Variants in KPRP observed in about 807,000 individuals in gnomAD.
KPRP encodes the protein keratinocyte proline-rich protein.
For missense variants in KPRP, 820 were observed against 746.4 expected (o/e 1.10, Z -1.15); for synonymous variants, 282 against 276.9 (o/e 1.02, Z -0.18).
Position 152,759,826 on chromosome 1 carries a change from C to T in KPRP, c.238C>T (p.Gln80Ter). 1 of 1,614,042 alleles carries T rather than the reference C, an allele frequency of 6.2e-7. No individual in the cohort carries two copies. The highest frequency in any genetic ancestry group is 8.5e-7 in the Non-Finnish European group (1 of 1,179,992). Reference sequence around the variant, plus strand: ...GGTGAAGTGCCAGTCTAAGACCAAGCAGGTGAAGGGCCAGGCTCAATGTCA... The same window carrying T: ...GGTGAAGTGCCAGTCTAAGACCAAGTAGGTGAAGGGCCAGGCTCAATGTCA... Residue 80 changes from glutamine (Q) to a stop codon, truncating the protein, a stop_gained, in exon 1 of 1, where the codon CAG becomes TAG. Coordinates refer to ENST00000606109, the Ensembl canonical transcript of KPRP. LOFTEE classifies it low-confidence loss of function (END_TRUNC).
chr1:152,761,054 A>C, exon 1 of KPRP: 1 of 1,613,862 alleles, frequency 6.2e-7, no homozygotes, highest in Non-Finnish European at 8.5e-7. Context: ...CCAAGCCCGG[A>C]GCCCTGCAGG....
exon 1 of KPRP, chr1:152,761,378 C>T (rs746978216): frequency 9.6e-6 from 15 of 1,558,596 alleles, no homozygotes; most frequent in African/African-American, 1.4e-5. Context: ...AATGTTGTTC[C>T]TCCTATTCCA....
exon 1 of KPRP, chr1:152,759,564 A>G (rs1351224338): frequency 2.5e-6 from 4 of 1,602,066 alleles, no homozygotes; most frequent in Non-Finnish European, 3.4e-6. Context: ...CCCTCAGGTC[A>G]CTCTTGACTG....
upstream of KPRP, among the ~76,000 whole-genome samples, chr1:152,758,356 CCTT>C (rs1651005322): frequency 6.6e-6 from 1 of 152,164 alleles, no homozygotes; most frequent in Non-Finnish European, 1.5e-5. Flanking sequence ...GCAATTTACA[CCTT>C]ATGAGCAAAG....
exon 1 of KPRP, chr1:152,761,267 A>G: frequency 6.2e-7 from 1 of 1,614,220 alleles, no homozygotes. Context: ...CAGGATGGCC[A>G]TGGAGACCAA....
exon 1 of KPRP, chr1:152,761,646 C>T (rs562889979): frequency 8.4e-5 from 24 of 286,778 alleles, no homozygotes; most frequent in African/African-American, 5.1e-4. Flanking sequence ...GCTCACTCTT[C>T]CCCACTCTGC....
exon 1 of KPRP, chr1:152,761,608 C>A: frequency 5.3e-6 from 2 of 374,766 alleles, no homozygotes; most frequent in South Asian, 7.2e-5. Context: ...CCAGGCCATA[C>A]TTTAGATGTC....
At chr1:152,758,756 C>A (rs1457930114), upstream of KPRP, among the ~76,000 whole-genome samples, 1 of 152,202 alleles carries the variant, frequency 6.6e-6, no homozygotes, top group African/African-American at 2.4e-5. Flanking sequence ...TCCACCTTGC[C>A]TCTAAGAAGA....
chr1:152,761,113 T>C (rs1200754651), exon 1 of KPRP: 5 of 1,613,926 alleles, frequency 3.1e-6, no homozygotes, highest in Non-Finnish European at 4.2e-6. Context: ...TCCAGTTCCA[T>C]ACCCAGGAGA....
At position 152,761,056 on chromosome 1, in the gene KPRP, C is replaced by A. The variant is rs372140150; in HGVS notation, c.1468C>A (p.Pro490Thr). ...GCCGGCGCCCTGCCCAAGCCCGGAG[C>A]CCTGCAGGGAGACTTGGCGCAGCCC... Residue 490 changes from proline (P) to threonine (T), a missense_variant, in exon 1 of 1, where the codon CCC becomes ACC. Coordinates refer to ENST00000606109, the Ensembl canonical transcript of KPRP. 1.1e-5 allele frequency: 17 copies of A among 1,613,952 alleles called. No homozygotes were observed. The African/African-American group carries it at 2.1e-4, about 20-fold the overall frequency.
exon 1 of KPRP, chr1:152,760,203 C>G: frequency 1.2e-6 from 2 of 1,614,090 alleles, no homozygotes; most frequent in Non-Finnish European, 1.7e-6. Context: ...ACAACTACAC[C>G]CCCCAGTTCC....
At chr1:152,759,920 C>T in exon 1 of KPRP, 5 of 1,614,246 alleles carry the variant, frequency 3.1e-6, no homozygotes, top group Non-Finnish European at 4.2e-6. Context: ...CAAAGCCAGG[C>T]TCCATGCCAA....
At chr1:152,761,282 A>T in exon 1 of KPRP, 2 of 1,614,158 alleles carry the variant, frequency 1.2e-6, no homozygotes, top group Non-Finnish European at 1.7e-6. Flanking sequence ...GACCAAGGCA[A>T]TGCCTTTGCT....
chr1:152,758,175 G>A (rs1209702621), upstream of KPRP, among the ~76,000 whole-genome samples: 2 of 152,156 alleles, frequency 1.3e-5, no homozygotes, highest in Admixed American at 1.3e-4. Context: ...GAGGGCGAGG[G>A]GTGCATTAAC....
upstream of KPRP, among the ~76,000 whole-genome samples, chr1:152,758,930 A>C (rs1449757563): frequency 1.3e-5 from 2 of 152,244 alleles, no homozygotes; most frequent in Non-Finnish European, 2.9e-5. Flanking sequence ...ATTTATTTCA[A>C]AACATTGTGT....
exon 1 of KPRP, chr1:152,760,056 T>G (rs1416180582): frequency 1.2e-6 from 2 of 1,614,048 alleles, no homozygotes; most frequent in Non-Finnish European, 1.7e-6. Flanking sequence ...ATGTACCCTG[T>G]CCAGCTCCTC....
At chr1:152,759,171 C>A (rs866614341), upstream of KPRP, among the ~76,000 whole-genome samples, 1 of 152,328 alleles carries the variant, frequency 6.6e-6, no homozygotes, top group African/African-American at 2.4e-5. Flanking sequence ...TGAGTAAATC[C>A]AAGCTCCTGT....
upstream of KPRP, among the ~76,000 whole-genome samples, chr1:152,758,110 G>C (rs1332272066): frequency 6.6e-6 from 1 of 152,214 alleles, no homozygotes; most frequent in African/African-American, 2.4e-5. Context: ...ATGTTCAGGG[G>C]AGAGCCCAGG....
exon 1 of KPRP, chr1:152,761,508 C>A: frequency 8.4e-7 from 1 of 1,184,320 alleles, no homozygotes; most frequent in Non-Finnish European, 1.2e-6. Flanking sequence ...GTCTCAGATG[C>A]CTCTCCAGCC....
Sources: gnomAD v4.1 joint callset for allele counts (sites outside exome capture counted in the v4.1 genomes callset) on GRCh38, gnomAD v4.1.1 for gene constraint, MANE v1.5 for transcripts, NCBI Gene and HGNC (gene_info 2026-07-23, HGNC 2026-07-21) for gene names.